CDKN2B-AS1: variants seen among roughly 807,000 people sequenced by gnomAD.
CDKN2B-AS1 encodes the protein CDKN2B antisense RNA 1 (non-protein coding).
chr9:22,111,910 C>T (rs1396247931), intron 4 of CDKN2B-AS1, among the ~76,000 whole-genome samples: 2 of 152,098 alleles, frequency 1.3e-5, no homozygotes, highest in Admixed American at 6.6e-5. Context: ...AACCCAGTAA[C>T]TATGGCAGTT....
rs532669022 is a variant in CDKN2B-AS1 at position 22,038,866 on chromosome 9, C to T, written n.30-7885C>T. Among the ~76,000 whole-genome samples the T allele has an allele frequency of 5.9e-5, 9 of 152,108 alleles. No homozygotes were observed. In the South Asian group the frequency reaches 1.7e-3, roughly 28 times the overall value. On this transcript the variant is annotated intron_variant and non_coding_transcript_variant, in intron 1 of 4. Transcript: ENST00000650946. ...CAACTGCTTATCTCCTTTTGTACTACAAGCAATATCTGGTATAGTGTATGC... is the reference window on the plus strand; with the variant it reads ...CAACTGCTTATCTCCTTTTGTACTATAAGCAATATCTGGTATAGTGTATGC...
chr9:22,045,771 A>G (rs1182726785), intron 1 of CDKN2B-AS1, among the ~76,000 whole-genome samples: 1 of 152,150 alleles, frequency 6.6e-6, no homozygotes, highest in South Asian at 2.1e-4. Flanking sequence ...ACTTAGCAGT[A>G]TGCTATAAAA....
intron 4 of CDKN2B-AS1, among the ~76,000 whole-genome samples, chr9:22,060,557 C>G (rs1823773497): frequency 6.6e-6 from 1 of 152,222 alleles, no homozygotes; most frequent in African/African-American, 2.4e-5. Context: ...CTGAGCCTTT[C>G]AAACTGTTCC....
intron 4 of CDKN2B-AS1, among the ~76,000 whole-genome samples, chr9:22,124,823 G>C (rs1227071850): frequency 6.6e-6 from 1 of 152,154 alleles, no homozygotes; most frequent in Non-Finnish European, 1.5e-5. Flanking sequence ...GGTGTTTTAT[G>C]ACCACAGGCT....
In CDKN2B-AS1 at chr9:22,001,258, G is replaced by A. The variant is rs923261846; in HGVS notation, n.29+6097G>A. The stretch of plus-strand genomic sequence containing the variant: ...TTACTGTAATTGGTCTTAAAGTTTT[G>A]AGTGGAACTCTGTTGTAAAATATTT... On this transcript the variant is annotated intron_variant and non_coding_transcript_variant, in intron 1 of 4. Transcript: ENST00000650946. This position sits in a 1 kb window ranked among gnomAD's most constrained non-coding sequence, Gnocchi z 4.2. 3.3e-5 allele frequency among the ~76,000 whole-genome samples: 5 copies of A among 152,118 alleles called. No individual in the cohort carries two copies. The highest frequency in any genetic ancestry group is 5.9e-5 in the Non-Finnish European group (4 of 67,986).
At position 22,018,294 on chromosome 9, in the gene CDKN2B-AS1, C is replaced by CT. The variant is rs879524676; in HGVS notation, n.29+23145dup. Among the ~76,000 whole-genome samples, 284 of 142,946 alleles carry CT rather than the reference C, an allele frequency of 2.0e-3. 1 individual carries two copies. Among genetic ancestry groups the CT allele is most frequent in the African/African-American group, 5.0e-3 (194 of 39,088 alleles). 93.8% of individuals were successfully genotyped at this position (142,946 alleles called of 152,430 possible). A position where few individuals can be genotyped will look rare whatever the true frequency, so the allele number is the denominator to read the frequency against. On this transcript the variant is annotated intron_variant and non_coding_transcript_variant, in intron 1 of 4. Coordinates refer to ENST00000650946, the Ensembl canonical transcript of CDKN2B-AS1. ...TCTCCACAGCTTTGGATCCTGATGA[C>CT]TTTTTTTTTTTTAATTGTTACTTTC...
At chr9:22,064,514 T>C (rs1030874596) in intron 4 of CDKN2B-AS1, among the ~76,000 whole-genome samples, 2 of 152,122 alleles carry the variant, frequency 1.3e-5, no homozygotes, top group East Asian at 1.9e-4. Flanking sequence ...GGGAGGCAAA[T>C]TGACTTTCTT....
chr9:22,088,001 C>T (rs960307248), intron 4 of CDKN2B-AS1, among the ~76,000 whole-genome samples: 2 of 152,154 alleles, frequency 1.3e-5, no homozygotes, highest in African/African-American at 4.8e-5. Context: ...ATAATCCTTC[C>T]ACTGACTGAG....
chr9:22,024,639 G>T (rs923832610), intron 1 of CDKN2B-AS1, among the ~76,000 whole-genome samples: 2 of 152,202 alleles, frequency 1.3e-5, no homozygotes, highest in Non-Finnish European at 2.9e-5. Flanking sequence ...TGCTGCTAAG[G>T]TTCTGTCTGC....
intron 4 of CDKN2B-AS1, among the ~76,000 whole-genome samples, chr9:22,123,015 C>A (rs540623561): frequency 4.6e-5 from 7 of 151,678 alleles, no homozygotes; most frequent in African/African-American, 1.7e-4. Context: ...TGTTTATGTC[C>A]TTTTCCATTT....
chr9:22,106,624 A>G (rs957472021), intron 4 of CDKN2B-AS1, among the ~76,000 whole-genome samples: 1 of 152,220 alleles, frequency 6.6e-6, no homozygotes, highest in Non-Finnish European at 1.5e-5. Flanking sequence ...ATGCCTTGGC[A>G]TAAGGGACTG....
chr9:22,040,366 C>T (rs1021901601), intron 1 of CDKN2B-AS1, among the ~76,000 whole-genome samples: 2 of 151,932 alleles, frequency 1.3e-5, no homozygotes, highest in Non-Finnish European at 2.9e-5. Context: ...CATTATAGTG[C>T]CAGTGTTTGA....
chr9:22,066,767 T>C (rs886500071), intron 4 of CDKN2B-AS1, among the ~76,000 whole-genome samples: 12 of 152,002 alleles, frequency 7.9e-5, no homozygotes, highest in African/African-American at 2.7e-4. Flanking sequence ...AAAGCAGCGT[T>C]ACTAAGGCAG....
chr9:22,100,443 G>A (rs1283310006), intron 4 of CDKN2B-AS1, among the ~76,000 whole-genome samples: 1 of 152,092 alleles, frequency 6.6e-6, no homozygotes, highest in African/African-American at 2.4e-5. Flanking sequence ...CTTTCCCTTA[G>A]GATAATGTTT....
At chr9:22,093,084 C>G (rs1284294413) in intron 4 of CDKN2B-AS1, among the ~76,000 whole-genome samples, 1 of 151,706 alleles carries the variant, frequency 6.6e-6, no homozygotes, top group Non-Finnish European at 1.5e-5. Context: ...GTTATGTACC[C>G]AGTAGTCATT....
chr9:22,098,157 C>CTGTGTGTGTGTG (rs35998780), intron 4 of CDKN2B-AS1, among the ~76,000 whole-genome samples: 1 of 146,016 alleles, frequency 6.8e-6, no homozygotes, highest in African/African-American at 2.5e-5. Flanking sequence ...CTCTCTGTCT[C>CTGTGTGTGTGTG]TGTGTGTGTG....
At chr9:22,094,788 C>A (rs1267601294) in intron 4 of CDKN2B-AS1, among the ~76,000 whole-genome samples, 1 of 143,784 alleles carries the variant, frequency 7.0e-6, no homozygotes, top group African/African-American at 2.9e-5. Context: ...GTAGTTTGAT[C>A]ATCTGAAGAC....
intron 2 of CDKN2B-AS1, among the ~76,000 whole-genome samples, chr9:22,047,286 C>T (rs1349117956): frequency 6.6e-6 from 1 of 152,156 alleles, no homozygotes; most frequent in African/African-American, 2.4e-5. Context: ...ATAAAGGAGA[C>T]ACTCATTATT....
intron 1 of CDKN2B-AS1, among the ~76,000 whole-genome samples, chr9:22,042,777 C>A (rs938937507): frequency 2.0e-5 from 3 of 152,220 alleles, no homozygotes; most frequent in Admixed American, 2.0e-4. Context: ...GAGTTTACTT[C>A]TCAAAAAAAC....
Sources: allele counts gnomAD v4.1 joint callset (sites outside exome capture counted in the v4.1 genomes callset), GRCh38; gene constraint gnomAD v4.1.1; non-coding constraint Gnocchi (gnomAD v3.1); transcripts MANE v1.5; gene names NCBI Gene and HGNC (gene_info 2026-07-23, HGNC 2026-07-21).